The following MACROD2 variants were observed in gnomAD, a reference collection of about 807,000 sequenced individuals.
The protein encoded by MACROD2 is ADP-ribose glycohydrolase MACROD2.
MACROD2 carries 36 observed loss-of-function variants against 70.4 expected under a neutral mutation model. The ratio of observed to expected loss-of-function variants is 0.51; its 90% CI spans 0.39 to 0.68. The LOEUF (loss-of-function observed/expected upper bound fraction) is 0.68. MACROD2 is among the 30% of genes least tolerant of loss of function. MACROD2 has a pLI of 0.00. For missense variants in MACROD2, 496 were observed against 538.4 expected (o/e 0.92, Z 0.78); for synonymous variants, 172 against 178.8 (o/e 0.96, Z 0.30).
intron 1 of MACROD2, among the ~76,000 whole-genome samples, chr20:14,001,192 C>A (rs1035812951): frequency 6.6e-6 from 1 of 152,114 alleles, no homozygotes; most frequent in Non-Finnish European, 1.5e-5. Context: ...TTGCTTTGGG[C>A]AAACTACTTT....
chr20:14,127,253 G>T (rs1191407361), intron 3 of MACROD2: 1 of 227,448 alleles, frequency 4.4e-6, no homozygotes, highest in African/African-American at 2.3e-5. Context: ...TTATGCCATA[G>T]CCTAATTGTA....
At chr20:14,782,261 A>G (rs1183212406) in intron 5 of MACROD2, among the ~76,000 whole-genome samples, 1 of 152,008 alleles carries the variant, frequency 6.6e-6, no homozygotes, top group East Asian at 1.9e-4. Flanking sequence ...CTAAAAAAAT[A>G]ATCATTAGCA....
chr20:15,934,841 G>T (rs758749291), intron 11 of MACROD2, among the ~76,000 whole-genome samples: 4 of 152,060 alleles, frequency 2.6e-5, no homozygotes, highest in African/African-American at 4.8e-5. Context: ...GGGACTACAG[G>T]CACGCACCAC....
rs116067147 is a variant in MACROD2, at chr20:15,918,375, G to A, written c.776-14901G>A. Among the ~76,000 whole-genome samples, 297 of 152,226 alleles carry A rather than the reference G, an allele frequency of 2.0e-3. 1 individual carries two copies. The highest frequency in any genetic ancestry group is 6.8e-3 in the African/African-American group (283 of 41,548). On this transcript the variant is annotated intron_variant, in intron 10 of 17. Coordinates refer to ENST00000684519, the MANE Select transcript of MACROD2 (RefSeq NM_001351661.2). ...TTTGAATGGTTCAAGTAGTATATGCGTATATTTAAGTATTTATCCTAACAT... is the reference window on the plus strand; with the variant it reads ...TTTGAATGGTTCAAGTAGTATATGCATATATTTAAGTATTTATCCTAACAT...
chr20:15,035,820 A>C (rs2075308525), intron 5 of MACROD2, among the ~76,000 whole-genome samples: 1 of 152,074 alleles, frequency 6.6e-6, no homozygotes. Flanking sequence ...AGGGACCTTC[A>C]TCCTCTTCTC....
chr20:15,322,958 C>G (rs2077888350), intron 6 of MACROD2, among the ~76,000 whole-genome samples: 2 of 144,018 alleles, frequency 1.4e-5, no homozygotes, highest in South Asian at 4.6e-4. Context: ...AATTCTGGTC[C>G]TGCCTCTCTG....
chr20:14,171,429 C>T (rs1455887096), intron 3 of MACROD2, among the ~76,000 whole-genome samples: 1 of 151,960 alleles, frequency 6.6e-6, no homozygotes, highest in Non-Finnish European at 1.5e-5. Flanking sequence ...TGAGGTATGA[C>T]CTTAGATTGA....
At chr20:14,658,526 A>T (rs1301029566) in intron 4 of MACROD2, among the ~76,000 whole-genome samples, 2 of 152,216 alleles carry the variant, frequency 1.3e-5, no homozygotes, top group Admixed American at 1.3e-4. Context: ...AATTAGGCAC[A>T]ATCTAAACCC....
intron 5 of MACROD2, among the ~76,000 whole-genome samples, chr20:15,110,084 T>C (rs1601087540): frequency 6.6e-6 from 1 of 152,264 alleles, no homozygotes; most frequent in East Asian, 1.9e-4. Context: ...CAAAATACCA[T>C]TCTAAGTGGT....
intron 5 of MACROD2, among the ~76,000 whole-genome samples, chr20:15,143,289 G>A (rs1316715621): frequency 6.6e-6 from 1 of 152,106 alleles, no homozygotes; most frequent in Non-Finnish European, 1.5e-5. Context: ...TTTCATGTGT[G>A]TTGGCTGCAT....
intron 5 of MACROD2, among the ~76,000 whole-genome samples, chr20:15,087,571 C>A (rs1175169715): frequency 6.6e-6 from 1 of 151,880 alleles, no homozygotes. Context: ...GATTAAATAC[C>A]TAAATTGTAA....
At chr20:14,727,996 C>G (rs903197321) in intron 5 of MACROD2, among the ~76,000 whole-genome samples, 1 of 152,094 alleles carries the variant, frequency 6.6e-6, no homozygotes, top group African/African-American at 2.4e-5. Flanking sequence ...TTACTGGCCC[C>G]AGAATTCTGT....
intron 5 of MACROD2, among the ~76,000 whole-genome samples, chr20:14,703,171 T>C (rs1487125497): frequency 6.6e-6 from 1 of 152,180 alleles, no homozygotes; most frequent in Non-Finnish European, 1.5e-5. Context: ...TCCAATATTT[T>C]CCTGTTATAA....
chr20:14,980,129 A>C (rs1388248723), intron 5 of MACROD2, among the ~76,000 whole-genome samples: 1 of 152,100 alleles, frequency 6.6e-6, no homozygotes, highest in African/African-American at 2.4e-5. Context: ...CCTCCTAAAA[A>C]CTTATTTTGA....
At chr20:14,220,990 G>T (rs545397065) in intron 3 of MACROD2, among the ~76,000 whole-genome samples, 1 of 152,256 alleles carries the variant, frequency 6.6e-6, no homozygotes, top group East Asian at 1.9e-4. Context: ...GCGAGGTGCC[G>T]CCCACTGCTC....
intron 7 of MACROD2, among the ~76,000 whole-genome samples, chr20:15,467,525 G>T (rs1214657550): frequency 6.6e-6 from 1 of 152,096 alleles, no homozygotes; most frequent in East Asian, 1.9e-4. Flanking sequence ...GATTCAGGAG[G>T]TTATTTTTTT....
At chr20:15,222,186 G>C (rs1413259410) in intron 5 of MACROD2, among the ~76,000 whole-genome samples, 2 of 152,202 alleles carry the variant, frequency 1.3e-5, no homozygotes, top group African/African-American at 4.8e-5. Flanking sequence ...CCTTCATACA[G>C]CTGAAGAAAT....
chr20:14,407,195 T>G (rs954625486), intron 3 of MACROD2, among the ~76,000 whole-genome samples: 7 of 152,138 alleles, frequency 4.6e-5, no homozygotes, highest in African/African-American at 1.7e-4. Context: ...AAAGTCTTTC[T>G]TACCCTGCTC....
chr20:14,321,947 AT>A (rs1046819263), intron 3 of MACROD2, among the ~76,000 whole-genome samples: 20 of 150,752 alleles, frequency 1.3e-4, no homozygotes, highest in African/African-American at 4.9e-4. Context: ...CAAGGGAGTA[AT>A]TTTTTTCCTC....
Sources: allele counts gnomAD v4.1 joint callset (sites outside exome capture counted in the v4.1 genomes callset), GRCh38; gene constraint gnomAD v4.1.1; transcripts MANE v1.5; gene names NCBI Gene and HGNC (gene_info 2026-07-23, HGNC 2026-07-21).